SAR1B: variants seen among roughly 807,000 people sequenced by gnomAD.
SAR1B encodes secretion associated Ras related GTPase 1B.
Under a neutral mutation model 26.8 loss-of-function variants are expected in SAR1B, and 23 were observed. The ratio of observed to expected loss-of-function variants is 0.86; its 90% CI spans 0.62 to 1.22. The LOEUF is 1.22. Ranked by LOEUF, SAR1B falls within the 50% of genes most tolerant of loss-of-function variation. The pLI, the probability that SAR1B is intolerant of heterozygous loss-of-function variation, is 0.00. For missense variants in SAR1B, 196 were observed against 232.8 expected, an observed-to-expected ratio of 0.84 and a Z score of 1.03; for synonymous variants, 65 against 80.8, an observed-to-expected ratio of 0.80 and a Z score of 1.05.
chr5:134,630,747 C>T (rs968510671), intron 1 of SAR1B, among the ~76,000 whole-genome samples: 2 of 149,004 alleles, frequency 1.3e-5, no homozygotes, highest in Non-Finnish European at 3.0e-5. Context: ...CCACTGCACT[C>T]CAGCCTGGGC....
chr5:134,626,167 T>G (rs1019375977), intron 1 of SAR1B, among the ~76,000 whole-genome samples: 3 of 151,248 alleles, frequency 2.0e-5, no homozygotes, highest in African/African-American at 7.3e-5. Context: ...GGTGTGGTGG[T>G]GCACACCTGT....
chr5:134,619,280 G>A (rs1291720394), intron 3 of SAR1B, among the ~76,000 whole-genome samples: 3 of 146,640 alleles, frequency 2.0e-5, no homozygotes, highest in African/African-American at 4.9e-5. Flanking sequence ...GCAGTGAGCC[G>A]AGATCGTGCC....
intron 1 of SAR1B, among the ~76,000 whole-genome samples, chr5:134,626,050 G>A (rs1765487474): frequency 1.3e-5 from 2 of 151,944 alleles, no homozygotes; most frequent in South Asian, 2.1e-4. Context: ...TGTAATCCCA[G>A]GACTTTGGGA....
At position 134,612,668 on chromosome 5, in the gene SAR1B, AAAAAAAAAAAAAAGAATC is replaced by A; in HGVS notation, c.244+5_244+22del. ...AAAAAAAAAAAAAAAAAAAAAAAAAAAAAAAAAAAAAAAGAATCTTACCTTGAACATGTCCACCCAGAT... is the reference window on the plus strand; with the variant it reads ...AAAAAAAAAAAAAAAAAAAAAAAAAATTACCTTGAACATGTCCACCCAGAT... On this transcript the variant is annotated splice_donor_5th_base_variant and intron_variant, in intron 4 of 6. Transcript: ENST00000402673. 1.6e-6 allele frequency: 2 copies of A among 1,262,572 alleles called. No individual in the cohort carries two copies. Among genetic ancestry groups the A allele is most frequent in the Non-Finnish European group, 2.1e-6 (2 of 952,124 alleles). The allele number at this position is 1,262,572 out of a possible 1,614,324, so 78.2% of individuals were successfully genotyped here.
Position 134,612,683 on chromosome 5 carries a change from A to AAAAAAAAAAAAAAAT in SAR1B, c.244+7_244+8insATTTTTTTTTTTTTT. ...AAAAAAAAAAAAAAAAAAAAAAAAGAATCTTACCTTGAACATGTCCACCCA... is the reference window on the plus strand; with the variant it reads ...AAAAAAAAAAAAAAAAAAAAAAAAGAAAAAAAAAAAAAAATATCTTACCTTGAACATGTCCACCCA... On this transcript the variant is annotated splice_region_variant and intron_variant, in intron 4 of 6. Transcript: ENST00000402673. 5 of 1,055,232 alleles carry AAAAAAAAAAAAAAAT rather than the reference A, an allele frequency of 4.7e-6. No individual in the cohort carries two copies. The highest frequency in any genetic ancestry group is 3.1e-4 in the Middle Eastern group (1 of 3,176). The allele number at this position is 1,055,232 out of a possible 1,614,324, so 65.4% of individuals were successfully genotyped here.
chr5:134,607,772 CA>C (rs35665930), intron 6 of SAR1B, among the ~76,000 whole-genome samples: 4,220 of 99,580 alleles, frequency 0.042, 93 homozygotes, highest in Middle Eastern at 0.11. Flanking sequence ...AACTCCATCT[CA>C]AAAAAAAAAA....
intron 1 of SAR1B, among the ~76,000 whole-genome samples, chr5:134,630,094 G>A (rs575854225): frequency 6.6e-6 from 1 of 150,844 alleles, no homozygotes; most frequent in Non-Finnish European, 1.5e-5. Flanking sequence ...GAAACCCCGA[G>A]TTGGGATGAG....
At position 134,602,560 on chromosome 5, in the gene SAR1B, T is replaced by C. The variant is rs1765051216; in HGVS notation, c.*4390A>G. 1 of 152,150 alleles carries C rather than the reference T, an allele frequency of 6.6e-6. No individual in the cohort carries two copies. The highest frequency in any genetic ancestry group is 2.1e-4 in the South Asian group (1 of 4,832). 9.4% of individuals were successfully genotyped at this position (152,150 alleles called of 1,614,324 possible). ...AACTTGAATTTCAAAAGAAGGATAA[T>C]AATGGAAATGACCGGAAGCTTCAAC... On this transcript the variant is annotated 3_prime_UTR_variant, in exon 7 of 7. Coordinates refer to ENST00000402673, the MANE Select transcript of SAR1B (RefSeq NM_016103.4).
chr5:134,631,384 GTAGA>G (rs1242225884), intron 1 of SAR1B, among the ~76,000 whole-genome samples: 1 of 152,152 alleles, frequency 6.6e-6, no homozygotes, highest in Non-Finnish European at 1.5e-5. Context: ...AGGTATAATA[GTAGA>G]TAATCATGTT....
chr5:134,626,917 A>G (rs1156315811), intron 1 of SAR1B, among the ~76,000 whole-genome samples: 2 of 152,222 alleles, frequency 1.3e-5, no homozygotes, highest in African/African-American at 4.8e-5. Flanking sequence ...TTAATGTACA[A>G]TTTTAAAAGG....
At chr5:134,628,122 T>G (rs1179480128) in intron 1 of SAR1B, among the ~76,000 whole-genome samples, 3 of 151,084 alleles carry the variant, frequency 2.0e-5, no homozygotes, top group African/African-American at 7.3e-5. Flanking sequence ...CCAGCCGGGG[T>G]GACAGAGCAA....
intron 2 of SAR1B, among the ~76,000 whole-genome samples, chr5:134,621,296 C>T (rs1202699523): frequency 1.3e-5 from 2 of 152,036 alleles, no homozygotes; most frequent in Non-Finnish European, 2.9e-5. Flanking sequence ...ACGGTGAAAC[C>T]CCGTCTCTAC....
chr5:134,603,333 C>G lies in SAR1B; in HGVS notation c.*3617G>C, dbSNP rs1206860456. 6.6e-6 allele frequency: 1 copy of G among 152,202 alleles called. No individual in the cohort carries two copies. Among genetic ancestry groups the G allele is most frequent in the Admixed American group, 6.5e-5 (1 of 15,278 alleles). The allele number at this position is 152,202 out of a possible 1,614,324, so 9.4% of individuals were successfully genotyped here. ...AACCTTTCCCCTGAAACTCTCCAAT[C>G]ATGTTAACTAGAACTATACTGTTTC... On this transcript the variant is annotated 3_prime_UTR_variant, in exon 7 of 7. Coordinates refer to ENST00000402673, the MANE Select transcript of SAR1B (RefSeq NM_016103.4).
rs112111525 is a variant in SAR1B, at chr5:134,625,587, A to T, written c.-18-1550T>A. On this transcript the variant is annotated intron_variant, in intron 1 of 6. Coordinates refer to ENST00000402673, the MANE Select transcript of SAR1B (RefSeq NM_016103.4). ...AGAAAAGGGTGAGAGAGGTGAAAGG[A>T]GTGCCAGAATTGTGCCAGCAAAGTG... Among the ~76,000 whole-genome samples the T allele has an allele frequency of 7.5e-3, 1,143 of 152,308 alleles. 14 individuals are homozygous for T. Among genetic ancestry groups the T allele is most frequent in the African/African-American group, 0.026 (1,084 of 41,570 alleles).
chr5:134,620,910 AT>A, intron 3 of SAR1B, 22 bp downstream of exon 3: 1 of 1,613,158 alleles, frequency 6.2e-7, no homozygotes, highest in Non-Finnish European at 8.5e-7. Context: ...CAAGTATCAC[AT>A]TGTATGTAGG....
chr5:134,622,445 C>G (rs541530961), intron 2 of SAR1B, among the ~76,000 whole-genome samples: 2 of 146,210 alleles, frequency 1.4e-5, no homozygotes, highest in South Asian at 4.3e-4. Flanking sequence ...GAGTCTCGCT[C>G]TGTCACCCAG....
At chr5:134,611,225 A>G (rs1362183016) in intron 4 of SAR1B, among the ~76,000 whole-genome samples, 2 of 152,170 alleles carry the variant, frequency 1.3e-5, no homozygotes, top group Non-Finnish European at 2.9e-5. Flanking sequence ...TTAGATTCCA[A>G]TTCTAATCAT....
chr5:134,622,331 T>C (rs1232534722), intron 2 of SAR1B, among the ~76,000 whole-genome samples: 1 of 152,050 alleles, frequency 6.6e-6, no homozygotes, highest in Admixed American at 6.6e-5. Flanking sequence ...TTGCCCAAGA[T>C]TACATAATTT....
At chr5:134,611,638 C>T (rs1233122479) in intron 4 of SAR1B, among the ~76,000 whole-genome samples, 2 of 152,130 alleles carry the variant, frequency 1.3e-5, no homozygotes, top group Non-Finnish European at 2.9e-5. Context: ...ATAAGGCAGT[C>T]TTTCCAAACT....
Sources: gnomAD v4.1 joint callset for allele counts (sites outside exome capture counted in the v4.1 genomes callset) on GRCh38, gnomAD v4.1.1 for gene constraint, MANE v1.5 for transcripts, NCBI Gene and HGNC (gene_info 2026-07-23, HGNC 2026-07-21) for gene names.